The following ZNF678 variants were observed in gnomAD, a reference collection of about 807,000 sequenced individuals.
ZNF678 encodes the protein zinc finger protein 678, also known as hypothetical protein MGC42493.
ZNF678 carries 5 observed loss-of-function variants against 3.0 expected under a neutral mutation model. The ratio of observed to expected loss-of-function variants is 1.69; its 90% CI spans 0.88 to 3.56. The LOEUF (loss-of-function observed/expected upper bound fraction) is 3.56. Among genes scored for constraint, ZNF678 ranks in the 30% most tolerant of loss-of-function variants. The pLI, the probability that ZNF678 is intolerant of heterozygous loss-of-function variation, is 0.00. For synonymous variants in ZNF678, 218 were observed against 199.6 expected (o/e 1.09, Z -0.78); for missense variants, 593 against 605.0 (o/e 0.98, Z 0.21).
At position 227,628,848 on chromosome 1, in the gene ZNF678, C is replaced by T. The variant is rs116419359; in HGVS notation, c.-163-17696C>T. 4.1e-3 allele frequency among the ~76,000 whole-genome samples: 617 copies of T among 152,332 alleles called. 6 individuals carry two copies. Among genetic ancestry groups the T allele is most frequent in the African/African-American group, 0.014 (583 of 41,566 alleles). Reference sequence around the variant, plus strand: ...GCCAAATAGATGGGGGCTATCCCAACAGTCCAGGTGAGTTGAGATATTGGG... The same window carrying T: ...GCCAAATAGATGGGGGCTATCCCAATAGTCCAGGTGAGTTGAGATATTGGG... On this transcript the variant is annotated intron_variant, in intron 1 of 3. Transcript: ENST00000343776.
At chr1:227,592,955 T>G (rs1657455052) in intron 1 of ZNF678, among the ~76,000 whole-genome samples, 1 of 152,268 alleles carries the variant, frequency 6.6e-6, no homozygotes, top group African/African-American at 2.4e-5. Flanking sequence ...TGAAAATTCT[T>G]AAGCTCATCA....
At chr1:227,569,021 G>A (rs761841109) in intron 1 of ZNF678, among the ~76,000 whole-genome samples, 10 of 152,206 alleles carry the variant, frequency 6.6e-5, no homozygotes, top group Non-Finnish European at 1.3e-4. Flanking sequence ...CAAGATGAGA[G>A]GGGACTGAGG....
At chr1:227,597,427 A>G (rs1326467329) in intron 1 of ZNF678, among the ~76,000 whole-genome samples, 1 of 152,214 alleles carries the variant, frequency 6.6e-6, no homozygotes, top group Non-Finnish European at 1.5e-5. Context: ...TTATGGCCAG[A>G]TTTTGGGGGT....
At chr1:227,625,402 C>T (rs987022046) in intron 1 of ZNF678, among the ~76,000 whole-genome samples, 2 of 152,136 alleles carry the variant, frequency 1.3e-5, no homozygotes, top group African/African-American at 4.8e-5. Flanking sequence ...GGAGGGGTTC[C>T]TTCAATGTCA....
intron 1 of ZNF678, among the ~76,000 whole-genome samples, chr1:227,594,884 G>A (rs1420899777): frequency 6.6e-6 from 1 of 152,106 alleles, no homozygotes; most frequent in Non-Finnish European, 1.5e-5. Context: ...CTGGTGAGGT[G>A]TGCTCACAAT....
chr1:227,647,676 G>A (rs1435640413), intron 2 of ZNF678, among the ~76,000 whole-genome samples: 2 of 152,178 alleles, frequency 1.3e-5, no homozygotes, highest in Admixed American at 6.5e-5. Flanking sequence ...CCTCACAGGA[G>A]CATCTTCTGC....
rs775082599 is a variant in ZNF678, at chr1:227,655,639, T to G, written c.1389T>G (p.Cys463Trp). 1 of 1,612,522 alleles carries G rather than the reference T, an allele frequency of 6.2e-7. No individual in the cohort carries two copies. The highest frequency in any genetic ancestry group is 8.5e-7 in the Non-Finnish European group (1 of 1,179,202). ...RIHTEEKPYK[C>W]EECGKAFNQF... is the part of the protein sequence containing the mutation. ...ATACTGAAGAGAAACCCTACAAATG[T>G]GAAGAATGTGGCAAAGCCTTTAACC... Residue 463 changes from cysteine to tryptophan, a missense_variant, in exon 4 of 4, where the codon TGT becomes TGG. Cys to Trp is a radical substitution (Grantham distance 215). Transcript: ENST00000343776.
In ZNF678 at chr1:227,655,394, T is replaced by C; in HGVS notation, c.1144T>C (p.Cys382Arg). ...TGEKPYKCKE[C>R]GKAFNKFSSL... is the part of the protein sequence containing the mutation. ...AGAGAAACCCTACAAATGCAAAGAATGTGGCAAAGCGTTTAACAAGTTCTC... is the reference window on the plus strand; with the variant it reads ...AGAGAAACCCTACAAATGCAAAGAACGTGGCAAAGCGTTTAACAAGTTCTC... Residue 382 changes from cysteine (C) to arginine (R), a missense_variant, in exon 4 of 4, where the codon TGT becomes CGT. Transcript: ENST00000343776. The C allele has an allele frequency of 1.2e-6, 2 of 1,612,650 alleles. No homozygotes were observed. The highest frequency in any genetic ancestry group is 1.7e-6 in the Non-Finnish European group (2 of 1,179,360).
intron 3 of ZNF678, 137 bp from the exon 4 acceptor site, chr1:227,654,198 CA>C: frequency 1.4e-6 from 1 of 732,356 alleles, no homozygotes; most frequent in Non-Finnish European, 2.0e-6. Context: ...TTTATATGTT[CA>C]AAAAGGAATC....
chr1:227,587,912 C>T (rs1657303611), intron 1 of ZNF678, among the ~76,000 whole-genome samples: 1 of 149,912 alleles, frequency 6.7e-6, no homozygotes, highest in African/African-American at 2.5e-5. Context: ...TAGTGGTTTA[C>T]TGCACAGATC....
At chr1:227,666,118 A>G (rs563381391), downstream of ZNF678, among the ~76,000 whole-genome samples, 35 of 152,220 alleles carry the variant, frequency 2.3e-4, no homozygotes, top group African/African-American at 8.2e-4. Flanking sequence ...TATCTGACGT[A>G]TATTGCATTA....
At chr1:227,575,505 G>A (rs1341791811) in intron 1 of ZNF678, among the ~76,000 whole-genome samples, 1 of 152,024 alleles carries the variant, frequency 6.6e-6, no homozygotes, top group East Asian at 1.9e-4. Flanking sequence ...TTTTGTGGCA[G>A]TTGTGAGTGG....
At chr1:227,616,000 C>G (rs2935152) in intron 1 of ZNF678, among the ~76,000 whole-genome samples, 71,911 of 151,930 alleles carry the variant, frequency 0.47, 18,293 homozygotes, top group African/African-American at 0.66. Flanking sequence ...CCCCACCAGA[C>G]TGTTCTGAGG....
At chr1:227,666,885 C>T (rs528402892), downstream of ZNF678, among the ~76,000 whole-genome samples, 9 of 151,534 alleles carry the variant, frequency 5.9e-5, no homozygotes, top group South Asian at 1.3e-3. Flanking sequence ...GCTGGGATTA[C>T]GGGCATGCGC....
In ZNF678 at chr1:227,589,447, A is replaced by G. The variant is rs1052380920; in HGVS notation, c.-164+25723A>G. On this transcript the variant is annotated intron_variant, in intron 1 of 3. Coordinates refer to ENST00000343776, the MANE Select transcript of ZNF678 (RefSeq NM_001367909.1). ...TTTTGTTAGGTTTGTCGAGGATCAA[A>G]TGGCTGTGTAGCAGGACGAGCTGCA... Among the ~76,000 whole-genome samples the G allele has an allele frequency of 7.3e-5, 11 of 151,690 alleles. 1 individual carries two copies. Among genetic ancestry groups the G allele is most frequent in the African/African-American group, 2.4e-4 (10 of 41,160 alleles).
rs140550820 is a variant in ZNF678 at position 227,647,406 on chromosome 1, G to A, written c.-37+736G>A. Among the ~76,000 whole-genome samples the A allele has an allele frequency of 4.2e-3, 640 of 152,258 alleles. 2 individuals are homozygous for A. Among genetic ancestry groups the A allele is most frequent in the African/African-American group, 0.013 (552 of 41,558 alleles). On this transcript the variant is annotated intron_variant, in intron 2 of 3. Transcript: ENST00000343776. ...GCACCATACCAGGTTGGTAACTGGA[G>A]CATGCCAGCAAGAGTCATGTTATTT...
intron 1 of ZNF678, among the ~76,000 whole-genome samples, chr1:227,621,899 C>T (rs967801576): frequency 3.9e-5 from 6 of 152,174 alleles, no homozygotes; most frequent in Non-Finnish European, 8.8e-5. Context: ...ATAAAACTGA[C>T]AAAACAGACT....
chr1:227,635,298 T>C (rs971301723), intron 1 of ZNF678, among the ~76,000 whole-genome samples: 2 of 152,194 alleles, frequency 1.3e-5, no homozygotes, highest in African/African-American at 2.4e-5. Context: ...TGTTTTGATA[T>C]ACCAATAGCA....
At chr1:227,645,796 G>GT (rs1558153756) in intron 1 of ZNF678, among the ~76,000 whole-genome samples, 1 of 152,266 alleles carries the variant, frequency 6.6e-6, no homozygotes, top group Non-Finnish European at 1.5e-5. Context: ...CGTGATACCA[G>GT]TTTTTTTCTG....
Sources: gnomAD v4.1 joint callset for allele counts (sites outside exome capture counted in the v4.1 genomes callset) on GRCh38, gnomAD v4.1.1 for gene constraint, MANE v1.5 for transcripts, NCBI Gene and HGNC (gene_info 2026-07-23, HGNC 2026-07-21) for gene names.